The following MMP24 variants were observed in gnomAD, a reference collection of about 807,000 sequenced individuals.
MMP24 encodes the protein matrix metallopeptidase 24, also known as matrix metalloproteinase-24.
MMP24 carries 25 observed loss-of-function variants against 62.8 expected under a neutral mutation model. The observed-to-expected ratio is 0.40, with a 90% confidence interval of 0.29 to 0.56. MMP24 has a LOEUF of 0.56. Among genes scored for constraint, MMP24 ranks in the 20% least tolerant of loss-of-function variants. MMP24 has a pLI of 0.50. For synonymous variants in MMP24, 319 were observed against 350.5 expected (o/e 0.91, Z 1.00); for missense variants, 634 against 853.6 (o/e 0.74, Z 3.21).
At chr20:35,261,027 A>G (rs1303298148) in intron 4 of MMP24, among the ~76,000 whole-genome samples, 1 of 152,180 alleles carries the variant, frequency 6.6e-6, no homozygotes, top group Non-Finnish European at 1.5e-5. Flanking sequence ...GGGCCAGAAG[A>G]TAAGAGGCAG....
At chr20:35,245,653 T>C (rs753666366) in intron 1 of MMP24, among the ~76,000 whole-genome samples, 1 of 151,958 alleles carries the variant, frequency 6.6e-6, no homozygotes, top group Non-Finnish European at 1.5e-5. Flanking sequence ...TTCATCATAT[T>C]GGCCAAGCTG....
intron 3 of MMP24, among the ~76,000 whole-genome samples, chr20:35,253,904 T>C (rs1472953420): frequency 1.4e-5 from 2 of 147,838 alleles, no homozygotes; most frequent in Non-Finnish European, 3.0e-5. Flanking sequence ...AGTCTCACTC[T>C]TGTTACCCAG....
chr20:35,261,954 CCAT>C (rs2060605714), intron 4 of MMP24, among the ~76,000 whole-genome samples: 1 of 152,082 alleles, frequency 6.6e-6, no homozygotes, highest in South Asian at 2.1e-4. Flanking sequence ...GCGCAGGCCA[CCAT>C]ATCTGGCTAA....
At chr20:35,244,432 G>A (rs1476131220) in intron 1 of MMP24, among the ~76,000 whole-genome samples, 2 of 151,848 alleles carry the variant, frequency 1.3e-5, no homozygotes, top group African/African-American at 2.4e-5. Flanking sequence ...GCTTTTGGGT[G>A]GGAATAATTT....
At chr20:35,253,646 A>G (rs1157803002) in intron 3 of MMP24, among the ~76,000 whole-genome samples, 1 of 152,180 alleles carries the variant, frequency 6.6e-6, no homozygotes, top group Non-Finnish European at 1.5e-5. Context: ...CAATATGAAC[A>G]CAGCGACGCT....
chr20:35,256,791 C>T (rs1025899740), intron 4 of MMP24, among the ~76,000 whole-genome samples: 6 of 150,816 alleles, frequency 4.0e-5, no homozygotes, highest in South Asian at 2.1e-4. Flanking sequence ...TCTCTGGGTC[C>T]GGGGTAGGGC....
chr20:35,241,930 C>G (rs1269449753), intron 1 of MMP24, among the ~76,000 whole-genome samples: 1 of 152,184 alleles, frequency 6.6e-6, no homozygotes, highest in Non-Finnish European at 1.5e-5. Flanking sequence ...TGTAATTCAT[C>G]TTAGTCAAAT....
chr20:35,245,654 G>C (rs763486791), intron 1 of MMP24, among the ~76,000 whole-genome samples: 1 of 151,534 alleles, frequency 6.6e-6, no homozygotes, highest in Non-Finnish European at 1.5e-5. Flanking sequence ...TCATCATATT[G>C]GCCAAGCTGG....
intron 2 of MMP24, among the ~76,000 whole-genome samples, chr20:35,248,938 C>T (rs2060530158): frequency 6.6e-6 from 1 of 152,152 alleles, no homozygotes; most frequent in Admixed American, 6.5e-5. Context: ...CAAAAAGCCC[C>T]AGGCCTGTTG....
At chr20:35,233,362 T>C (rs771557948) in intron 1 of MMP24, among the ~76,000 whole-genome samples, 2 of 152,054 alleles carry the variant, frequency 1.3e-5, no homozygotes, top group Non-Finnish European at 2.9e-5. Context: ...TGAGCCAGGA[T>C]TGAACTACTG....
chr20:35,251,116 C>CTTTTTTT (rs59317276), intron 2 of MMP24, among the ~76,000 whole-genome samples: 7,341 of 138,478 alleles, frequency 0.053, 517 homozygotes, highest in African/African-American at 0.16. Flanking sequence ...TAAGCCACTT[C>CTTTTTTT]TTTTTTTTTT....
chr20:35,272,402 C>A (rs2060675450), intron 8 of MMP24, among the ~76,000 whole-genome samples: 1 of 152,150 alleles, frequency 6.6e-6, no homozygotes, highest in Non-Finnish European at 1.5e-5. Flanking sequence ...CTGTGCCTGG[C>A]TAATTTACAT....
At chr20:35,255,460 C>G (rs755576599) in intron 4 of MMP24, among the ~76,000 whole-genome samples, 1 of 152,186 alleles carries the variant, frequency 6.6e-6, no homozygotes, top group South Asian at 2.1e-4. Context: ...CTTTGTCACC[C>G]TCACAGGTGA....
chr20:35,262,443 G>T (rs1194153492), intron 4 of MMP24, among the ~76,000 whole-genome samples: 1 of 151,474 alleles, frequency 6.6e-6, no homozygotes, highest in East Asian at 1.9e-4. Context: ...TTTTAGATAT[G>T]CATACACATA....
At chr20:35,257,535 T>G (rs1170449806) in intron 4 of MMP24, among the ~76,000 whole-genome samples, 1 of 152,196 alleles carries the variant, frequency 6.6e-6, no homozygotes, top group African/African-American at 2.4e-5. Context: ...TCCAAAGAGT[T>G]GTCCAGAGGC....
chr20:35,259,934 T>C (rs950199428), intron 4 of MMP24, among the ~76,000 whole-genome samples: 1 of 152,152 alleles, frequency 6.6e-6, no homozygotes, highest in Admixed American at 6.5e-5. Flanking sequence ...CACATCCCTA[T>C]GACGAAGGTG....
intron 1 of MMP24, among the ~76,000 whole-genome samples, chr20:35,235,707 A>T (rs7267837): frequency 0.046 from 6,988 of 151,950 alleles, 386 homozygotes; most frequent in African/African-American, 0.13. Context: ...TCAAAAAAAA[A>T]TTTTTTTTAA....
chr20:35,230,981 A>G (rs1438560401), intron 1 of MMP24, among the ~76,000 whole-genome samples: 1 of 152,108 alleles, frequency 6.6e-6, no homozygotes, highest in Non-Finnish European at 1.5e-5. Flanking sequence ...GAAGCTCAAC[A>G]AACAGGATCC....
At position 35,274,707 on chromosome 20, in the gene MMP24, C is replaced by A; in HGVS notation, c.*98C>A. On this transcript the variant is annotated 3_prime_UTR_variant, in exon 9 of 9. Coordinates refer to ENST00000246186, the MANE Select transcript of MMP24 (RefSeq NM_006690.4). The surrounding 1 kb of genome is among the most constrained non-coding windows in gnomAD (Gnocchi z 5.1). ...TCTGGCCAGTGCTCACCAGGGCCAG[C>A]AGGGCCCTAGGCTGGGGTCGTACAG... 1 of 1,087,088 alleles carries A rather than the reference C, an allele frequency of 9.2e-7. No homozygotes were observed. The highest frequency in any genetic ancestry group is 1.3e-6 in the Non-Finnish European group (1 of 764,632). 67.3% of individuals were successfully genotyped at this position (1,087,088 alleles called of 1,614,324 possible).
Sources: allele counts gnomAD v4.1 joint callset (sites outside exome capture counted in the v4.1 genomes callset), GRCh38; gene constraint gnomAD v4.1.1; non-coding constraint Gnocchi (gnomAD v3.1); transcripts MANE v1.5; gene names NCBI Gene and HGNC (gene_info 2026-07-23, HGNC 2026-07-21).